Variants in LRRC4C observed in about 807,000 individuals in gnomAD.
The protein encoded by LRRC4C is leucine-rich repeat-containing protein 4C.
A neutral mutation model predicts 33.6 loss-of-function variants in LRRC4C; 5 were observed. That is an observed-to-expected ratio of 0.15 (90% CI 0.08 to 0.31). LRRC4C has a LOEUF of 0.31. Ranked by LOEUF, LRRC4C falls within the 10% of genes least tolerant of loss-of-function variation. The pLI, the probability that LRRC4C is intolerant of heterozygous loss-of-function variation, is 1.00. For missense variants in LRRC4C, 560 were observed against 796.7 expected, an observed-to-expected ratio of 0.70 and a Z score of 3.58; for synonymous variants, 329 against 302.0, an observed-to-expected ratio of 1.09 and a Z score of -0.93.
intron 2 of LRRC4C, among the ~76,000 whole-genome samples, chr11:40,705,632 G>A (rs1016371746): frequency 3.9e-5 from 6 of 151,938 alleles, no homozygotes; most frequent in Non-Finnish European, 7.4e-5. Flanking sequence ...TTGGTTCCAA[G>A]TCTTTGCTAT....
intron 3 of LRRC4C, among the ~76,000 whole-genome samples, chr11:40,475,401 T>C (rs1953161981): frequency 6.6e-6 from 1 of 151,836 alleles, no homozygotes; most frequent in African/African-American, 2.4e-5. Context: ...AGTTGAACAA[T>C]GAGAATACAT....
chr11:40,529,454 G>A (rs55946131), intron 3 of LRRC4C, among the ~76,000 whole-genome samples: 13,371 of 151,970 alleles, frequency 0.088, 1,668 homozygotes, highest in African/African-American at 0.28. Context: ...AGATAATAGC[G>A]GTCAGACAAG....
chr11:40,705,255 G>A (rs552774120), intron 2 of LRRC4C, among the ~76,000 whole-genome samples: 2 of 152,038 alleles, frequency 1.3e-5, no homozygotes, highest in South Asian at 4.2e-4. Context: ...TGTGCACAAC[G>A]TGGAGGTTTG....
At chr11:41,443,585 T>C (rs1020472572) in intron 1 of LRRC4C, among the ~76,000 whole-genome samples, 4 of 151,948 alleles carry the variant, frequency 2.6e-5, no homozygotes, top group African/African-American at 4.8e-5. Flanking sequence ...TTTCTTTCTT[T>C]TTCTTTTCTT....
chr11:41,420,943 G>C (rs1464442568), intron 1 of LRRC4C, among the ~76,000 whole-genome samples: 1 of 151,916 alleles, frequency 6.6e-6, no homozygotes, highest in African/African-American at 2.4e-5. Context: ...ACACTATAAA[G>C]TATATGAATG....
chr11:40,546,987 T>C lies in LRRC4C; in HGVS notation c.-270+101155A>G, dbSNP rs79052765. Among the ~76,000 whole-genome samples the C allele has an allele frequency of 2.0e-4, 31 of 152,266 alleles. No homozygotes were observed. In the East Asian group the frequency reaches 5.6e-3, roughly 27 times the overall value. On this transcript the variant is annotated intron_variant, in intron 3 of 6. Transcript: ENST00000528697. ...CTAGCCTTGGCAGTACTTGGGTTCG[T>C]TACAGATAGATAGTATTGAAATAAT...
At chr11:40,885,918 C>T (rs182244713) in intron 2 of LRRC4C, among the ~76,000 whole-genome samples, 3 of 152,158 alleles carry the variant, frequency 2.0e-5, no homozygotes, top group Non-Finnish European at 4.4e-5. Context: ...TTTTGGATGG[C>T]TGTAGAATGC....
intron 1 of LRRC4C, among the ~76,000 whole-genome samples, chr11:40,966,886 A>T (rs1332532979): frequency 6.6e-6 from 1 of 151,950 alleles, no homozygotes; most frequent in African/African-American, 2.4e-5. Context: ...TGTGAGTCAT[A>T]CCTTGTCATG....
intron 1 of LRRC4C, among the ~76,000 whole-genome samples, chr11:41,332,752 A>G (rs534248546): frequency 3.0e-4 from 46 of 152,326 alleles, no homozygotes; most frequent in African/African-American, 1.1e-3. Flanking sequence ...ACTTCGGTTC[A>G]GCATTCTATT....
At chr11:41,015,454 G>A (rs1855513611) in intron 1 of LRRC4C, among the ~76,000 whole-genome samples, 1 of 152,078 alleles carries the variant, frequency 6.6e-6, no homozygotes, top group East Asian at 1.9e-4. Context: ...TCAGCCTCCT[G>A]AGTAGCTGGG....
At chr11:40,705,993 A>G (rs1946151401) in intron 2 of LRRC4C, among the ~76,000 whole-genome samples, 1 of 152,140 alleles carries the variant, frequency 6.6e-6, no homozygotes, top group Admixed American at 6.5e-5. Flanking sequence ...TGTTGGCTGC[A>G]TAAATGTCTT....
chr11:41,249,085 A>G (rs1275635911), intron 1 of LRRC4C, among the ~76,000 whole-genome samples: 2 of 151,038 alleles, frequency 1.3e-5, no homozygotes, highest in Non-Finnish European at 2.9e-5. Context: ...CCCAGACTAG[A>G]GTGCAGTGGC....
At chr11:40,353,344 A>C (rs1947503549) in intron 3 of LRRC4C, among the ~76,000 whole-genome samples, 1 of 152,010 alleles carries the variant, frequency 6.6e-6, no homozygotes, top group Admixed American at 6.6e-5. Flanking sequence ...TTTCTTTTGC[A>C]TGATCAATTC....
chr11:40,500,293 T>TATATACAC (rs1394949843), intron 3 of LRRC4C, among the ~76,000 whole-genome samples: 38 of 96,842 alleles, frequency 3.9e-4, no homozygotes, highest in African/African-American at 5.7e-4. Flanking sequence ...TATATATATA[T>TATATACAC]ACACACACAC....
chr11:40,978,205 T>G (rs1279069331), intron 1 of LRRC4C, among the ~76,000 whole-genome samples: 1 of 152,206 alleles, frequency 6.6e-6, no homozygotes, highest in Non-Finnish European at 1.5e-5. Flanking sequence ...GGCTCACATT[T>G]GTAATCAGAG....
chr11:40,761,441 G>A (rs1367984610), intron 2 of LRRC4C, among the ~76,000 whole-genome samples: 2 of 152,116 alleles, frequency 1.3e-5, no homozygotes, highest in African/African-American at 4.8e-5. Context: ...AAGGGGTTGA[G>A]CTGAAGAAAG....
chr11:41,284,566 C>T (rs993878915), intron 1 of LRRC4C, among the ~76,000 whole-genome samples: 1 of 152,156 alleles, frequency 6.6e-6, no homozygotes, highest in African/African-American at 2.4e-5. Flanking sequence ...ACTTCATTAA[C>T]CACATTGAAA....
At chr11:40,746,403 C>G (rs1253217206) in intron 2 of LRRC4C, among the ~76,000 whole-genome samples, 1 of 152,166 alleles carries the variant, frequency 6.6e-6, no homozygotes, top group Non-Finnish European at 1.5e-5. Flanking sequence ...GAAGCACAGG[C>G]TGCTGCTTTA....
At chr11:40,656,243 C>G (rs562860044) in intron 2 of LRRC4C, among the ~76,000 whole-genome samples, 3 of 151,272 alleles carry the variant, frequency 2.0e-5, no homozygotes, top group African/African-American at 7.3e-5. Context: ...CCACTCATCT[C>G]TAATCCTTCT....
Sources: allele counts gnomAD v4.1 joint callset (sites outside exome capture counted in the v4.1 genomes callset), GRCh38; gene constraint gnomAD v4.1.1; transcripts MANE v1.5; gene names NCBI Gene and HGNC (gene_info 2026-07-23, HGNC 2026-07-21).